ADAR: variants seen among roughly 807,000 people sequenced by gnomAD.
The protein encoded by ADAR is double-stranded RNA-specific adenosine deaminase.
ADAR carries 41 observed loss-of-function variants against 113.2 expected under a neutral mutation model. That is an observed-to-expected ratio of 0.36 (90% CI 0.28 to 0.47). The LOEUF is 0.47. Ranked by LOEUF, ADAR falls within the 20% of genes least tolerant of loss-of-function variation. The pLI is 1.00. For missense variants in ADAR, 1,242 were observed against 1,540.9 expected (o/e 0.81, Z 3.25); for synonymous variants, 605 against 572.6 (o/e 1.06, Z -0.81).
intron 1 of ADAR, among the ~76,000 whole-genome samples, chr1:154,619,441 A>G (rs899094362): frequency 6.6e-6 from 1 of 152,216 alleles, no homozygotes; most frequent in Non-Finnish European, 1.5e-5. Context: ...CCATCATGGG[A>G]ACTGTTCTGT....
At chr1:154,595,169 T>C (rs1020692948) in intron 6 of ADAR, among the ~76,000 whole-genome samples, 2 of 152,230 alleles carry the variant, frequency 1.3e-5, no homozygotes, top group Non-Finnish European at 2.9e-5. Context: ...ATGAGATTCT[T>C]GTAGGAGTGT....
chr1:154,627,191 CG>C (rs1293891299), intron 1 of ADAR, among the ~76,000 whole-genome samples: 4 of 152,234 alleles, frequency 2.6e-5, no homozygotes, highest in African/African-American at 9.6e-5. Context: ...CACCTGGGGC[CG>C]GATTACCCTC....
rs557085077 is a variant in ADAR, at chr1:154,622,152, CT to C, written c.-871+5702del. Among the ~76,000 whole-genome samples the C allele has an allele frequency of 1.4e-3, 219 of 152,246 alleles. 1 individual carries two copies. Among genetic ancestry groups the C allele is most frequent in the African/African-American group, 5.1e-3 (212 of 41,556 alleles). ...GAAAAGCAGAGTGGGCTCTGAGCCA[CT>C]GATTCCCCACCTGGCTCTGCCACAT... On this transcript the variant is annotated intron_variant, in intron 1 of 14. Coordinates refer to the ADAR transcript ENST00000368471.
upstream of ADAR, among the ~76,000 whole-genome samples, chr1:154,610,811 AAAAAAAAAAAAAG>A (rs1221340324): frequency 1.4e-3 from 79 of 57,128 alleles, 5 homozygotes; most frequent in Admixed American, 5.2e-3. Flanking sequence ...ACCGTCTCAA[AAAAAAAAAAAAAG>A]AAAAAAAAAA....
At position 154,597,982 on chromosome 1, in the gene ADAR, GA is replaced by G; in HGVS notation, c.1786-7del. 1 of 1,613,490 alleles carries G rather than the reference GA, an allele frequency of 6.2e-7. No individual in the cohort carries two copies. The highest frequency in any genetic ancestry group is 1.3e-5 in the African/African-American group (1 of 75,026). Reference sequence around the variant, plus strand: ...GGGGTCTGGGACTCTGCAGTCTAGAGAAAATGAGAGACAAGAAGAAAACAAA... The same window carrying G: ...GGGGTCTGGGACTCTGCAGTCTAGAGAAATGAGAGACAAGAAGAAAACAAA... On this transcript the variant is annotated splice_polypyrimidine_tract_variant and splice_region_variant and intron_variant, in intron 3 of 14. Coordinates refer to ENST00000368474, the MANE Select transcript of ADAR (RefSeq NM_001111.5).
upstream of ADAR, among the ~76,000 whole-genome samples, chr1:154,608,478 GCCA>G (rs2101672841): frequency 7.4e-6 from 1 of 135,738 alleles, no homozygotes; most frequent in African/African-American, 2.7e-5. Context: ...ACAGGCGAGC[GCCA>G]TCACTCCTGG....
chr1:154,625,262 A>T (rs1698901671), intron 1 of ADAR, among the ~76,000 whole-genome samples: 1 of 152,172 alleles, frequency 6.6e-6, no homozygotes, highest in Non-Finnish European at 1.5e-5. Flanking sequence ...CCTTTCCCCC[A>T]CTGCACCAGG....
chr1:154,602,305 G>C lies in ADAR; in HGVS notation c.337C>G (p.Pro113Ala). 2 of 1,613,784 alleles carry C rather than the reference G, an allele frequency of 1.2e-6. No homozygotes were observed. Among genetic ancestry groups the C allele is most frequent in the African/African-American group, 2.7e-5 (2 of 75,044 alleles). The change falls in exon 2 of 15, where the codon CCA becomes GCA. Residue 113 changes from proline (P) to alanine (A), a missense_variant. Physicochemically the swap from Pro to Ala is conservative, Grantham distance 27 (BLOSUM62 -1). Coordinates refer to ENST00000368474, the MANE Select transcript of ADAR (RefSeq NM_001111.5). ...GLQRGFQHPS[P>A]RGRSLPQRGV... is the part of the protein sequence containing the mutation. ...CTCTGTGGCAGACTCCTGCCACGTG[G>C]TGAAGGATGCTGGAACCCTCTCTGG...
In ADAR at chr1:154,597,140, T is replaced by C. The variant is rs780337437; in HGVS notation, c.2062A>G (p.Met688Val). The change falls in exon 5 of 15, where the codon ATG (methionine) becomes GTG (valine). Residue 688 changes from methionine to valine, a missense_variant. Around this residue, in one of 2 missense-constraint regions of ADAR, gnomAD observed 780 missense variants for 1,057.9 expected, o/e 0.74. Coordinates refer to ENST00000368474, the MANE Select transcript of ADAR (RefSeq NM_001111.5). Reference protein sequence around the residue: ...KALHGEATNSMASDNQPEGMI... With the variant: ...KALHGEATNSVASDNQPEGMI... Reference sequence around the variant, plus strand: ...CGCCCTACCTGGTTATCAGAAGCCATGGAGTTGGTCGCCTCCCCATGCAGG... The same window carrying C: ...CGCCCTACCTGGTTATCAGAAGCCACGGAGTTGGTCGCCTCCCCATGCAGG... 1.9e-6 allele frequency: 3 copies of C among 1,614,222 alleles called. No individual in the cohort carries two copies. Among genetic ancestry groups the C allele is most frequent in the South Asian group, 1.1e-5 (1 of 91,080 alleles).
At position 154,602,017 on chromosome 1, in the gene ADAR, C is replaced by T. The variant is rs767095635; in HGVS notation, c.625G>A (p.Gly209Arg). ...VSTQAWNQHS[G>R]VVRPDGHSQG... ...CTATGACCGTCTGGTCTTACCACTC[C>T]GCTGTGCTGGTTCCAAGCCTGAGTG... The change falls in exon 2 of 15, where the codon GGA (glycine) becomes AGA (arginine). Residue 209 changes from glycine to arginine, a missense_variant. Gly to Arg is a moderately radical substitution (Grantham distance 125, BLOSUM62 -2). Around this residue, in one of 2 missense-constraint regions of ADAR, gnomAD observed 462 missense variants for 483.1 expected, o/e 0.96. Coordinates refer to ENST00000368474, the MANE Select transcript of ADAR (RefSeq NM_001111.5). The T allele has an allele frequency of 3.7e-5, 59 of 1,614,122 alleles. No homozygotes were observed. Among genetic ancestry groups the T allele is most frequent in the East Asian group, 1.8e-4 (8 of 44,894 alleles).
intron 1 of ADAR, among the ~76,000 whole-genome samples, chr1:154,619,939 A>G (rs982982637): frequency 5.3e-5 from 8 of 152,228 alleles, no homozygotes; most frequent in Non-Finnish European, 1.2e-4. Context: ...TACTTACCCA[A>G]GAAAAATGGC....
chr1:154,619,619 A>G lies in ADAR; in HGVS notation c.-871+8236T>C, dbSNP rs1343606265. Among the ~76,000 whole-genome samples, 4 of 152,236 alleles carry G rather than the reference A, an allele frequency of 2.6e-5. No individual in the cohort carries two copies. In the East Asian group the frequency reaches 5.8e-4, roughly 22 times the overall value. On this transcript the variant is annotated intron_variant, in intron 1 of 14. Transcript: ENST00000368471. ...CCTCAAAATAAGAAGAGGAAGGTTAATAAGAACAACAACAAAAAAAACAAA... is the reference window on the plus strand; with the variant it reads ...CCTCAAAATAAGAAGAGGAAGGTTAGTAAGAACAACAACAAAAAAAACAAA...
At chr1:154,586,137 C>A in intron 12 of ADAR, 44 bp downstream of exon 12, 1 of 1,610,768 alleles carries the variant, frequency 6.2e-7, no homozygotes, top group Non-Finnish European at 8.5e-7. Flanking sequence ...GATCTGGGCA[C>A]AAGAAGGACA....
upstream of ADAR, chr1:154,627,983 A>C (rs544496968): frequency 9.8e-6 from 5 of 508,398 alleles, no homozygotes; most frequent in South Asian, 7.0e-5. Flanking sequence ...GTCTGGTCGC[A>C]GATTGGTGAC....
intron 7 of ADAR, 49 bp downstream of exon 7, chr1:154,590,135 A>AGGTGGGGGGGGGGGGGGGGG: frequency 8.3e-7 from 1 of 1,205,046 alleles, no homozygotes. Context: ...CTTAGGAGTT[A>AGGTGGGGGGGGGGGGGGGGG]GGAGGACCCC....
chr1:154,612,573 G>C (rs957882674), upstream of ADAR, among the ~76,000 whole-genome samples: 2 of 151,238 alleles, frequency 1.3e-5, no homozygotes, highest in African/African-American at 4.9e-5. Context: ...GTCATCTGCC[G>C]GTCTTGGCCT....
chr1:154,620,136 C>T (rs1381009400), intron 1 of ADAR, among the ~76,000 whole-genome samples: 2 of 152,186 alleles, frequency 1.3e-5, no homozygotes, highest in African/African-American at 2.4e-5. Flanking sequence ...GGGCCAGGCG[C>T]GGTGGCTCAT....
At chr1:154,587,211 T>C (rs1696818665) in intron 11 of ADAR, among the ~76,000 whole-genome samples, 1 of 152,242 alleles carries the variant, frequency 6.6e-6, no homozygotes, top group Admixed American at 6.5e-5. Context: ...ATTTGTCTAT[T>C]CTGGACATTT....
At chr1:154,610,824 G>C (rs12737599), upstream of ADAR, among the ~76,000 whole-genome samples, 4 of 65,240 alleles carry the variant, frequency 6.1e-5, no homozygotes, top group African/African-American at 1.3e-4. Flanking sequence ...AAAAAAAAAA[G>C]AAAAAAAAAA....
Sources: gnomAD v4.1 joint callset for allele counts (sites outside exome capture counted in the v4.1 genomes callset) on GRCh38, gnomAD v4.1.1 for gene constraint, gnomAD v4.1.1 regional missense constraint, MANE v1.5 for transcripts, NCBI Gene and HGNC (gene_info 2026-07-23, HGNC 2026-07-21) for gene names.